The following KREMEN1 variants were observed in gnomAD, a reference collection of about 807,000 sequenced individuals.
KREMEN1 encodes kremen protein 1.
KREMEN1 carries 30 observed loss-of-function variants against 46.5 expected under a neutral mutation model. The observed-to-expected ratio is 0.65, with a 90% confidence interval of 0.48 to 0.88. KREMEN1 has a LOEUF of 0.88. KREMEN1 is among the 40% of genes least tolerant of loss of function. The probability of loss-of-function intolerance (pLI) is 0.00; values close to 1 mark genes in which losing one functional copy is unlikely to be tolerated. For synonymous variants in KREMEN1, 214 were observed against 230.6 expected, an observed-to-expected ratio of 0.93 and a Z score of 0.65; for missense variants, 533 against 596.9, an observed-to-expected ratio of 0.89 and a Z score of 1.11.
In KREMEN1 at chr22:29,108,333, T is replaced by G. The variant is rs116299944; in HGVS notation, c.352+9380T>G. Among the ~76,000 whole-genome samples, 1,259 of 152,304 alleles carry G rather than the reference T, an allele frequency of 8.3e-3. 17 individuals are homozygous for G. The highest frequency in any genetic ancestry group is 0.028 in the African/African-American group (1,182 of 41,564). ...GATGCCATGAAGTCTTATCTCTTCC[T>G]CTCTTCCCATAAGAGACAACACAAG... On this transcript the variant is annotated intron_variant, in intron 3 of 8. Transcript: ENST00000400335.
intron 5 of KREMEN1, among the ~76,000 whole-genome samples, chr22:29,130,209 C>G (rs132275): frequency 2.6e-5 from 4 of 151,948 alleles, no homozygotes; most frequent in South Asian, 4.1e-4. Flanking sequence ...CATAAAAGTT[C>G]AGTAATCTGC....
rs1193716988 is a variant in KREMEN1, at chr22:29,073,577, G to T, written c.97+350G>T. 6.6e-6 allele frequency among the ~76,000 whole-genome samples: 1 copy of T among 151,696 alleles called. No individual in the cohort carries two copies. Among genetic ancestry groups the T allele is most frequent in the Non-Finnish European group, 1.5e-5 (1 of 67,874 alleles). The stretch of plus-strand genomic sequence containing the variant: ...TTCTCTGTCTCGGGATCTGGGACCC[G>T]CTGCCCGAGTCCCTCAGCGACCCCA... On this transcript the variant is annotated intron_variant, in intron 1 of 8. Coordinates refer to ENST00000400335, the MANE Select transcript of KREMEN1 (RefSeq NM_001039570.3). The surrounding 1 kb of genome is among the most constrained non-coding windows in gnomAD (Gnocchi z 4.4).
At chr22:29,083,866 G>A (rs973098504) in intron 1 of KREMEN1, among the ~76,000 whole-genome samples, 2 of 151,946 alleles carry the variant, frequency 1.3e-5, no homozygotes, top group African/African-American at 4.8e-5. Context: ...CAAGTCCACA[G>A]AGTAAAGTGA....
At chr22:29,148,106 T>C (rs2038886231), downstream of KREMEN1, among the ~76,000 whole-genome samples, 1 of 152,046 alleles carries the variant, frequency 6.6e-6, no homozygotes, top group Non-Finnish European at 1.5e-5. Context: ...CTCTTCGACA[T>C]AAGGAATGTA....
chr22:29,076,296 G>T (rs1364237792), intron 1 of KREMEN1, among the ~76,000 whole-genome samples: 3 of 152,184 alleles, frequency 2.0e-5, no homozygotes, highest in African/African-American at 7.2e-5. Flanking sequence ...CCACTAGCCA[G>T]TAGTGTGTTT....
intron 4 of KREMEN1, among the ~76,000 whole-genome samples, chr22:29,123,388 G>C (rs934095380): frequency 3.4e-5 from 5 of 148,004 alleles, no homozygotes; most frequent in Non-Finnish European, 7.5e-5. Flanking sequence ...TAAAAAAACT[G>C]AACAAAGCAA....
At chr22:29,093,239 A>C (rs916750993) in intron 1 of KREMEN1, among the ~76,000 whole-genome samples, 12 of 152,184 alleles carry the variant, frequency 7.9e-5, no homozygotes, top group African/African-American at 2.9e-4. Context: ...AAGAGTCCTT[A>C]ATACTGGAAG....
chr22:29,137,644 C>G lies in KREMEN1; in HGVS notation c.934C>G (p.Gln312Glu). The G allele has an allele frequency of 3.7e-6, 6 of 1,604,084 alleles. No homozygotes were observed. Among genetic ancestry groups the G allele is most frequent in the Non-Finnish European group, 5.1e-6 (6 of 1,171,602 alleles). The change falls in exon 6 of 9, where the codon CAG becomes GAG. Residue 312 changes from glutamine (Q) to glutamate (E), a missense_variant. Coordinates refer to ENST00000400335, the MANE Select transcript of KREMEN1 (RefSeq NM_001039570.3). ...GTATTTCTTCTCTGATCGCATCAAT[C>G]AGGCCCAGGGATTTGCTGTTTTATA... is the stretch of plus-strand genomic sequence containing the variant. ...ILYFFSDRIN[Q>E]AQGFAVLYQA...
rs74467980 is a variant in KREMEN1 at position 29,137,565 on chromosome 22, C to T, written c.855C>T (p.His285=). The T allele has an allele frequency of 1.6e-3, 2,507 of 1,613,836 alleles. 25 individuals are homozygous for T. The African/African-American group carries it at 0.024, about 16-fold the overall frequency. ...GYTHRVLARF[H]GRSRPPLSFN... ...CCCACCGTGTCCTAGCCCGCTTCCA[C>T]GGGAGGAGCCGCCCACCTCTGTCCT... The change falls in exon 6 of 9, where the codon CAC becomes CAT. Residue 285 remains histidine, a synonymous_variant. Transcript: ENST00000400335.
chr22:29,140,449 C>A (rs895245556), intron 8 of KREMEN1, 83 bp downstream of exon 8: 19 of 1,037,564 alleles, frequency 1.8e-5, no homozygotes, highest in Non-Finnish European at 2.7e-5. Context: ...TGTCTGGTTA[C>A]AACTGTAGAA....
chr22:29,144,881 G>A lies in KREMEN1; in HGVS notation c.*2769G>A, dbSNP rs2038829971. On this transcript the variant is annotated 3_prime_UTR_variant, in exon 9 of 9. Coordinates refer to ENST00000400335, the MANE Select transcript of KREMEN1 (RefSeq NM_001039570.3). ...CTGCAGCGGGGGCAGCACTTCCTCGGAGGGCCTGGGAGGTGCTGGGGATGC... is the reference window on the plus strand; with the variant it reads ...CTGCAGCGGGGGCAGCACTTCCTCGAAGGGCCTGGGAGGTGCTGGGGATGC... 2.0e-6 allele frequency: 2 copies of A among 985,498 alleles called. No individual in the cohort carries two copies. Among genetic ancestry groups the A allele is most frequent in the Non-Finnish European group, 2.4e-6 (2 of 829,982 alleles). 61.0% of individuals were successfully genotyped at this position (985,498 alleles called of 1,614,324 possible).
At chr22:29,149,309 CGT>C, downstream of KREMEN1, among the ~76,000 whole-genome samples, 1 of 152,168 alleles carries the variant, frequency 6.6e-6, no homozygotes, top group African/African-American at 2.4e-5. Flanking sequence ...ACTACAGGCA[CGT>C]GCCACCATGC....
chr22:29,118,010 T>G (rs2145805670), intron 3 of KREMEN1, among the ~76,000 whole-genome samples: 2 of 152,322 alleles, frequency 1.3e-5, no homozygotes, highest in Middle Eastern at 6.8e-3. Context: ...CTCACAAAGC[T>G]GCAAGCCAGG....
intron 3 of KREMEN1, among the ~76,000 whole-genome samples, chr22:29,102,116 C>T (rs1443270522): frequency 6.6e-6 from 1 of 152,174 alleles, no homozygotes; most frequent in Non-Finnish European, 1.5e-5. Flanking sequence ...TTATTTAAAC[C>T]TGCTCTTTGC....
intron 4 of KREMEN1, among the ~76,000 whole-genome samples, chr22:29,122,256 A>G (rs538604886): frequency 2.0e-5 from 3 of 152,324 alleles, no homozygotes; most frequent in South Asian, 2.1e-4. Flanking sequence ...TAAAACCACA[A>G]TGAGATACCA....
At chr22:29,163,926 G>A (rs2039032590) in intron 9 of KREMEN1, among the ~76,000 whole-genome samples, 1 of 150,926 alleles carries the variant, frequency 6.6e-6, no homozygotes, top group African/African-American at 2.4e-5. Flanking sequence ...TAAAATAAAA[G>A]TTGAAAAAAA....
At chr22:29,087,348 T>C (rs184132417) in intron 1 of KREMEN1, among the ~76,000 whole-genome samples, 18 of 152,212 alleles carry the variant, frequency 1.2e-4, no homozygotes, top group Admixed American at 8.5e-4. Flanking sequence ...ATGACTCTCA[T>C]AAGCATCATA....
At chr22:29,087,517 G>C (rs1405803807) in intron 1 of KREMEN1, among the ~76,000 whole-genome samples, 1 of 152,076 alleles carries the variant, frequency 6.6e-6, no homozygotes, top group South Asian at 2.1e-4. Context: ...CCAAAGATTA[G>C]GATGTCTTTT....
Position 29,146,689 on chromosome 22 carries a change from G to A in KREMEN1, c.*4577G>A. On this transcript the variant is annotated 3_prime_UTR_variant, in exon 9 of 9. Coordinates refer to ENST00000400335, the MANE Select transcript of KREMEN1 (RefSeq NM_001039570.3). ...AATATAAGATGAAGTGTGACGCACT[G>A]TATACAATTTAATATATATTTTTAG... The A allele has an allele frequency of 3.2e-6, 3 of 926,244 alleles. No individual in the cohort carries two copies. Among genetic ancestry groups the A allele is most frequent in the Non-Finnish European group, 2.6e-6 (2 of 775,834 alleles). 57.4% of individuals were successfully genotyped at this position (926,244 alleles called of 1,614,324 possible).
Sources: allele counts gnomAD v4.1 joint callset (sites outside exome capture counted in the v4.1 genomes callset), GRCh38; gene constraint gnomAD v4.1.1; non-coding constraint Gnocchi (gnomAD v3.1); transcripts MANE v1.5; gene names NCBI Gene and HGNC (gene_info 2026-07-23, HGNC 2026-07-21).